Variants in SAMD12 observed in about 807,000 individuals in gnomAD.
SAMD12 encodes sterile alpha motif domain containing 12.
SAMD12 carries 9 observed loss-of-function variants against 15.0 expected under a neutral mutation model. The ratio of observed to expected loss-of-function variants is 0.60; its 90% confidence interval spans 0.36 to 1.05. The LOEUF is 1.05. Ranked by LOEUF, SAMD12 falls within the 50% of genes least tolerant of loss-of-function variation. The pLI, the probability that SAMD12 is intolerant of heterozygous loss-of-function variation, is 0.01. For synonymous variants in SAMD12, 86 were observed against 90.1 expected (o/e 0.96, Z 0.25); for missense variants, 230 against 234.2 (o/e 0.98, Z 0.12).
At chr8:118,483,866 C>T (rs1360409393) in intron 2 of SAMD12, among the ~76,000 whole-genome samples, 1 of 152,128 alleles carries the variant, frequency 6.6e-6, no homozygotes, top group Non-Finnish European at 1.5e-5. Context: ...GATTAACCTG[C>T]AGAAGGTCAC....
chr8:118,232,057 G>A (rs1182669453), intron 4 of SAMD12, among the ~76,000 whole-genome samples: 1 of 152,174 alleles, frequency 6.6e-6, no homozygotes, highest in Non-Finnish European at 1.5e-5. Context: ...AATGTTATCT[G>A]TGCAAGAAAT....
intron 1 of SAMD12, among the ~76,000 whole-genome samples, chr8:118,582,644 A>T (rs1325906963): frequency 3.9e-5 from 6 of 152,320 alleles, no homozygotes; most frequent in African/African-American, 1.4e-4. Flanking sequence ...ACTCTGAGAC[A>T]TAACTATGTT....
Position 118,334,458 on chromosome 8 carries a change from C to A in SAMD12, c.433+45102G>T, listed in dbSNP as rs1364077021. On this transcript the variant is annotated intron_variant, in intron 4 of 4. Coordinates refer to the SAMD12 transcript ENST00000409003. ...AGATTCATCACAATTTCTTCTTCCC[C>A]TTCCCCTTCCCATTCCTTCCCCCTC... is the stretch of plus-strand genomic sequence containing the variant. 3.3e-5 allele frequency among the ~76,000 whole-genome samples: 5 copies of A among 152,216 alleles called. No individual in the cohort carries two copies. In the South Asian group the frequency reaches 1.0e-3, roughly 32 times the overall value.
At chr8:118,316,369 C>CAAAAAAA (rs71307444) in intron 4 of SAMD12, among the ~76,000 whole-genome samples, 32 of 114,146 alleles carry the variant, frequency 2.8e-4, no homozygotes, top group African/African-American at 1.1e-3. Flanking sequence ...CCCATGTCTA[C>CAAAAAAA]AAAAAAAAAA....
chr8:118,205,103 A>G (rs1363564177), intron 4 of SAMD12, among the ~76,000 whole-genome samples: 1 of 152,184 alleles, frequency 6.6e-6, no homozygotes, highest in African/African-American at 2.4e-5. Flanking sequence ...GCCTAAAGAG[A>G]ATAGGCTGGG....
intron 2 of SAMD12, among the ~76,000 whole-genome samples, chr8:118,552,095 G>A (rs1028778045): frequency 2.6e-4 from 40 of 152,186 alleles, no homozygotes; most frequent in Non-Finnish European, 5.3e-4. Flanking sequence ...TTCTACCAGA[G>A]GTACGAGGAG....
intron 2 of SAMD12, among the ~76,000 whole-genome samples, chr8:118,522,681 A>G (rs1825421892): frequency 6.6e-6 from 1 of 152,186 alleles, no homozygotes; most frequent in Non-Finnish European, 1.5e-5. Flanking sequence ...TTACACTGAG[A>G]AACAAATGTA....
intron 2 of SAMD12, among the ~76,000 whole-genome samples, chr8:118,489,610 C>T (rs1824384003): frequency 6.6e-6 from 1 of 152,120 alleles, no homozygotes; most frequent in South Asian, 2.1e-4. Flanking sequence ...TGTTCCGGTG[C>T]TTTAAAATCC....
At chr8:118,288,287 A>C (rs925445803) in intron 4 of SAMD12, 9 of 152,202 alleles carry the variant, frequency 5.9e-5, no homozygotes, top group African/African-American at 2.2e-4. Flanking sequence ...CAAAGGTCAC[A>C]GTGTCTAGTG....
At chr8:118,371,142 C>G (rs947734193) in intron 4 of SAMD12, among the ~76,000 whole-genome samples, 1 of 152,224 alleles carries the variant, frequency 6.6e-6, no homozygotes, top group African/African-American at 2.4e-5. Flanking sequence ...TAATTTCTGA[C>G]AAGCAACTTG....
chr8:118,404,038 G>C (rs1418864525), intron 3 of SAMD12, among the ~76,000 whole-genome samples: 7 of 152,114 alleles, frequency 4.6e-5, no homozygotes, highest in Non-Finnish European at 1.5e-5. Context: ...GAGTGCAGTG[G>C]TGCGATTGAT....
At chr8:118,193,237 T>C (rs947683775) in exon 5 of SAMD12, 2 of 152,248 alleles carry the variant, frequency 1.3e-5, no homozygotes, top group African/African-American at 2.4e-5. Flanking sequence ...TTGTTCTTTA[T>C]ATTAAGGTGT....
intron 4 of SAMD12, among the ~76,000 whole-genome samples, chr8:118,332,263 A>G (rs1464896011): frequency 2.0e-5 from 3 of 152,214 alleles, no homozygotes; most frequent in Non-Finnish European, 2.9e-5. Context: ...TTATTTTTGC[A>G]AAACTATTTA....
At chr8:118,265,663 A>T (rs1392883559) in intron 4 of SAMD12, among the ~76,000 whole-genome samples, 2 of 151,850 alleles carry the variant, frequency 1.3e-5, no homozygotes, top group Non-Finnish European at 2.9e-5. Flanking sequence ...TTCAACACTA[A>T]TTTAGAATCT....
intron 4 of SAMD12, among the ~76,000 whole-genome samples, chr8:118,206,198 ACT>A (rs1265654793): frequency 3.3e-5 from 5 of 152,018 alleles, no homozygotes; most frequent in Non-Finnish European, 7.4e-5. Flanking sequence ...GGACTAGAAA[ACT>A]CTGTTTAATC....
chr8:118,254,922 T>C (rs1812899130), intron 4 of SAMD12, among the ~76,000 whole-genome samples: 1 of 151,982 alleles, frequency 6.6e-6, no homozygotes, highest in Non-Finnish European at 1.5e-5. Context: ...GGCGTTTCTA[T>C]TCCTTACATT....
the SAMD12 span, among the ~76,000 whole-genome samples, chr8:118,175,293 A>G: frequency 6.6e-6 from 1 of 152,236 alleles, no homozygotes; most frequent in Non-Finnish European, 1.5e-5. Context: ...GGATAGCCAT[A>G]TGCAGAAGAT....
chr8:118,146,811 CT>C, the SAMD12 span, among the ~76,000 whole-genome samples: 1 of 152,156 alleles, frequency 6.6e-6, no homozygotes, highest in Non-Finnish European at 1.5e-5. Context: ...TTTTTTGCTA[CT>C]TCTAACTTAG....
chr8:118,593,194 A>T (rs1915542), intron 1 of SAMD12, among the ~76,000 whole-genome samples: 102,941 of 152,032 alleles, frequency 0.68, 35,188 homozygotes, highest in East Asian at 0.77. Flanking sequence ...CTAAAATGAG[A>T]GATATAATGA....
Sources: allele counts gnomAD v4.1 joint callset (sites outside exome capture counted in the v4.1 genomes callset), GRCh38; gene constraint gnomAD v4.1.1; transcripts MANE v1.5; gene names NCBI Gene and HGNC (gene_info 2026-07-23, HGNC 2026-07-21).